The following HECA variants were observed in gnomAD, a reference collection of about 807,000 sequenced individuals.
HECA encodes HECA ribonucleoprotein granule regulator, also known as headcase protein homolog.
HECA carries 13 observed loss-of-function variants against 37.6 expected under a neutral mutation model. The observed-to-expected ratio is 0.35, with a 90% CI of 0.23 to 0.55. The LOEUF (loss-of-function observed/expected upper bound fraction) is 0.55, where lower values mean the gene tolerates loss of function less well. Among genes scored for constraint, HECA ranks in the 20% least tolerant of loss-of-function variants. The pLI is 0.90. For synonymous variants in HECA, 307 were observed against 291.5 expected (o/e 1.05, Z -0.54); for missense variants, 527 against 701.9 (o/e 0.75, Z 2.82).
Position 139,177,028 on chromosome 6 carries a change from C to T in HECA, c.1555C>T (p.Gln519Ter). Residue 519 changes from glutamine to a stop codon, truncating the protein, a stop_gained, in exon 4 of 4, where the codon CAG (glutamine) becomes TAG (stop). Transcript: ENST00000367658. LOFTEE classifies it high-confidence loss of function. The surrounding 1 kb of genome is among the most constrained non-coding windows in gnomAD (Gnocchi z 4.9). ...QYFSEYSNVQ[Q>*]CPHCGNLDYH... is the part of the protein sequence containing the mutation. ...CTTCTCCGAATATAGCAACGTCCAGCAGTGTCCACACTGTGGGAACCTGGA... is the reference window on the plus strand; with the variant it reads ...CTTCTCCGAATATAGCAACGTCCAGTAGTGTCCACACTGTGGGAACCTGGA... 1 of 872,778 alleles carries T rather than the reference C, an allele frequency of 1.1e-6. No homozygotes were observed. Among genetic ancestry groups the T allele is most frequent in the Non-Finnish European group, 2.0e-6 (1 of 501,504 alleles). The allele number at this position is 872,778 out of a possible 1,614,324, so 54.1% of individuals were successfully genotyped here. A position where few individuals can be genotyped will look rare whatever the true frequency, so the allele number is the denominator to read the frequency against.
At chr6:139,138,298 C>G (rs1419903368) in intron 1 of HECA, among the ~76,000 whole-genome samples, 2 of 151,982 alleles carry the variant, frequency 1.3e-5, no homozygotes, top group African/African-American at 4.8e-5. Flanking sequence ...AAGTTATTAT[C>G]GGTAGTAGTT....
chr6:139,155,732 A>G (rs1036054234), intron 1 of HECA: 6 of 152,204 alleles, frequency 3.9e-5, no homozygotes, highest in East Asian at 1.9e-4. Flanking sequence ...GTAGTTTTCA[A>G]TGATTTAGTA....
chr6:139,155,528 T>G (rs1774700779), intron 1 of HECA: 1 of 152,210 alleles, frequency 6.6e-6, no homozygotes, highest in Non-Finnish European at 1.5e-5. Context: ...CGGAGTTCAT[T>G]GTTGAATCAA....
At chr6:139,160,536 C>T (rs1053754923) in intron 1 of HECA, among the ~76,000 whole-genome samples, 1 of 152,194 alleles carries the variant, frequency 6.6e-6, no homozygotes, top group South Asian at 2.1e-4. Flanking sequence ...ACCTCAGCCT[C>T]CTGAGTAGCT....
At chr6:139,155,814 C>T (rs1262401625) in intron 1 of HECA, 1 of 152,134 alleles carries the variant, frequency 6.6e-6, no homozygotes, top group African/African-American at 2.4e-5. Flanking sequence ...AGTGTGATCC[C>T]ATTATATGCA....
chr6:139,162,443 G>C (rs1228698666), intron 1 of HECA, among the ~76,000 whole-genome samples: 3 of 152,196 alleles, frequency 2.0e-5, no homozygotes, highest in Non-Finnish European at 4.4e-5. Context: ...ACAAAGAGAA[G>C]TTAAGTAAGT....
intron 1 of HECA, among the ~76,000 whole-genome samples, chr6:139,145,092 T>C (rs1302539290): frequency 6.6e-6 from 1 of 152,252 alleles, no homozygotes; most frequent in East Asian, 1.9e-4. Flanking sequence ...TTTGTCATTT[T>C]ATTTTTGTCA....
At chr6:139,148,586 A>C (rs1326668564) in intron 1 of HECA, among the ~76,000 whole-genome samples, 1 of 152,198 alleles carries the variant, frequency 6.6e-6, no homozygotes, top group Non-Finnish European at 1.5e-5. Flanking sequence ...CAACATGGTG[A>C]AACCCCATGT....
chr6:139,164,685 T>C (rs1267197947), intron 1 of HECA, among the ~76,000 whole-genome samples: 1 of 152,066 alleles, frequency 6.6e-6, no homozygotes, highest in Non-Finnish European at 1.5e-5. Context: ...TGAATTGTAT[T>C]GAAAATTGTA....
At chr6:139,149,639 C>T (rs1238480335) in intron 1 of HECA, among the ~76,000 whole-genome samples, 5 of 152,134 alleles carry the variant, frequency 3.3e-5, no homozygotes, top group South Asian at 2.1e-4. Context: ...GGGAGCCTTT[C>T]GTTTCTCTGC....
rs372372457 is a variant in HECA, at chr6:139,180,181, G to C, written c.*3076G>C. The C allele has an allele frequency of 2.6e-5, 4 of 152,176 alleles. No homozygotes were observed. Among genetic ancestry groups the C allele is most frequent in the African/African-American group, 9.7e-5 (4 of 41,438 alleles). 9.4% of individuals were successfully genotyped at this position (152,176 alleles called of 1,614,324 possible). ...CCTTTAACTTCTAGGTTTTGTTCAAGAAGTTCATTTTCTGAGTAAAAGGTA... is the reference window on the plus strand; with the variant it reads ...CCTTTAACTTCTAGGTTTTGTTCAACAAGTTCATTTTCTGAGTAAAAGGTA... On this transcript the variant is annotated 3_prime_UTR_variant, in exon 4 of 4. Coordinates refer to ENST00000367658, the MANE Select transcript of HECA (RefSeq NM_016217.3).
chr6:139,147,149 G>C (rs925750996), intron 1 of HECA, among the ~76,000 whole-genome samples: 1 of 152,178 alleles, frequency 6.6e-6, no homozygotes, highest in Non-Finnish European at 1.5e-5. Context: ...CTGTAGGGAA[G>C]TGTGCCTGAC....
intron 1 of HECA, among the ~76,000 whole-genome samples, chr6:139,143,097 A>T (rs949279234): frequency 6.6e-6 from 1 of 152,228 alleles, no homozygotes; most frequent in Admixed American, 6.5e-5. Context: ...GTGAAAAAAG[A>T]CTGGGTACTT....
chr6:139,146,663 A>G (rs1582936806), intron 1 of HECA, among the ~76,000 whole-genome samples: 1 of 152,190 alleles, frequency 6.6e-6, no homozygotes, highest in East Asian at 1.9e-4. Context: ...AGCCCAGAAC[A>G]GTGCTGCCAG....
In HECA at chr6:139,150,857, TAA is replaced by T. The variant is rs747284587; in HGVS notation, c.271+15191_271+15192del. Among the ~76,000 whole-genome samples, 19 of 152,350 alleles carry T rather than the reference TAA, an allele frequency of 1.2e-4. No individual in the cohort carries two copies. In the South Asian group the frequency reaches 2.9e-3, roughly 23 times the overall value. The stretch of plus-strand genomic sequence containing the variant: ...AACTATCAATAGGAGTCTGTAACTC[TAA>T]GTTTACTTAATTTTCCTTAGAAAAT... On this transcript the variant is annotated intron_variant, in intron 1 of 3. Coordinates refer to ENST00000367658, the MANE Select transcript of HECA (RefSeq NM_016217.3).
chr6:139,174,731 A>C, intron 3 of HECA, 192 bp downstream of exon 3: 1 of 695,090 alleles, frequency 1.4e-6, no homozygotes. Context: ...ATAATATATA[A>C]TTATGTGGGA....
In HECA at chr6:139,177,279, G is replaced by T; in HGVS notation, c.*174G>T. ...CCTTGCCCTGTCTTGATTCCCGAGT[G>T]TTAATCTGTGGTTTTGACCAGAGCC... On this transcript the variant is annotated 3_prime_UTR_variant, in exon 4 of 4. Transcript: ENST00000367658. This position sits in a 1 kb window ranked among gnomAD's most constrained non-coding sequence, Gnocchi z 4.9. 2.0e-6 allele frequency: 1 copy of T among 494,816 alleles called. No homozygotes were observed. Among genetic ancestry groups the T allele is most frequent in the Non-Finnish European group, 3.6e-6 (1 of 276,070 alleles). 30.7% of individuals were successfully genotyped at this position (494,816 alleles called of 1,614,324 possible).
In HECA at chr6:139,135,594, C is replaced by T. The variant is rs1774422736; in HGVS notation, c.198C>T (p.Ala66=). The change falls in exon 1 of 4, where the codon GCC becomes GCT. Residue 66 remains alanine, a synonymous_variant. Coordinates refer to ENST00000367658, the MANE Select transcript of HECA (RefSeq NM_016217.3). ...GAPGAGGAAG[A]GGAGTGAANA... ...CGGGCGCCGGAGGCGCGGCGGGCGC[C>T]GGAGGCGCGGGGACTGGCGCCGCGA... 1 of 960,646 alleles carries T rather than the reference C, an allele frequency of 1.0e-6. No individual in the cohort carries two copies. Among genetic ancestry groups the T allele is most frequent in the Non-Finnish European group, 1.2e-6 (1 of 813,868 alleles). The allele number at this position is 960,646 out of a possible 1,614,324, so 59.5% of individuals were successfully genotyped here. A position where few individuals can be genotyped will look rare whatever the true frequency, so the allele number is the denominator to read the frequency against.
chr6:139,161,443 C>T (rs578257803), intron 1 of HECA, among the ~76,000 whole-genome samples: 3 of 152,214 alleles, frequency 2.0e-5, no homozygotes, highest in African/African-American at 7.2e-5. Context: ...TGGCTGTGAA[C>T]ATGACAAACA....
Sources: gnomAD v4.1 joint callset for allele counts (sites outside exome capture counted in the v4.1 genomes callset) on GRCh38, gnomAD v4.1.1 for gene constraint, Gnocchi (gnomAD v3.1) non-coding constraint, MANE v1.5 for transcripts, NCBI Gene and HGNC (gene_info 2026-07-23, HGNC 2026-07-21) for gene names.